PEBP4: variants seen among roughly 807,000 people sequenced by gnomAD.
PEBP4 encodes the protein phosphatidylethanolamine binding protein 4.
Under a neutral mutation model 23.9 loss-of-function variants are expected in PEBP4, and 22 were observed. The observed-to-expected ratio is 0.92, with a 90% CI of 0.66 to 1.31. PEBP4 has a LOEUF of 1.31. Among genes scored for constraint, PEBP4 ranks in the 40% most tolerant of loss-of-function variants. The pLI is 0.00. For synonymous variants in PEBP4, 112 were observed against 99.3 expected (o/e 1.13, Z -0.76); for missense variants, 324 against 281.7 (o/e 1.15, Z -1.07).
intron 3 of PEBP4, among the ~76,000 whole-genome samples, chr8:22,824,711 A>G (rs1806930419): frequency 6.6e-6 from 1 of 152,168 alleles, no homozygotes; most frequent in Non-Finnish European, 1.5e-5. Context: ...AGATTCTCAT[A>G]AGGAGCGTTG....
intron 3 of PEBP4, among the ~76,000 whole-genome samples, chr8:22,895,174 C>G (rs1808566663): frequency 2.6e-5 from 4 of 152,142 alleles, no homozygotes; most frequent in Admixed American, 2.6e-4. Context: ...GATTCTGGAT[C>G]CAAAGTACTG....
chr8:22,800,165 T>G (rs1806353727), intron 4 of PEBP4, among the ~76,000 whole-genome samples: 1 of 152,144 alleles, frequency 6.6e-6, no homozygotes. Flanking sequence ...ACTTTCGCTT[T>G]CTTCTTTATT....
intron 4 of PEBP4, among the ~76,000 whole-genome samples, chr8:22,750,654 A>G (rs1805235965): frequency 6.6e-6 from 1 of 151,826 alleles, no homozygotes; most frequent in Non-Finnish European, 1.5e-5. Flanking sequence ...GACTATTCTC[A>G]TCCTTGTGAT....
At chr8:22,831,757 A>T (rs1807087413) in intron 3 of PEBP4, among the ~76,000 whole-genome samples, 1 of 152,170 alleles carries the variant, frequency 6.6e-6, no homozygotes, top group Non-Finnish European at 1.5e-5. Context: ...GGTCCTGAGG[A>T]GTGGAGTGTG....
intron 3 of PEBP4, among the ~76,000 whole-genome samples, chr8:22,843,316 G>T (rs1807365309): frequency 6.6e-6 from 1 of 152,204 alleles, no homozygotes; most frequent in Non-Finnish European, 1.5e-5. Flanking sequence ...TGCTGGTCTG[G>T]TTAGCAACTA....
chr8:22,817,521 T>G (rs1806768432), intron 4 of PEBP4, 116 bp downstream of exon 4: 1 of 932,814 alleles, frequency 1.1e-6, no homozygotes, highest in African/African-American at 1.6e-5. Context: ...CTGGGGGAGA[T>G]GGGACACAGA....
intron 6 of PEBP4, among the ~76,000 whole-genome samples, chr8:22,716,865 C>A (rs1339921387): frequency 1.3e-5 from 2 of 152,244 alleles, no homozygotes; most frequent in Non-Finnish European, 2.9e-5. Flanking sequence ...CACCCTGGTC[C>A]TCTGCCAGGC....
intron 5 of PEBP4, among the ~76,000 whole-genome samples, chr8:22,725,361 C>T (rs570922066): frequency 1.3e-5 from 2 of 150,826 alleles, no homozygotes; most frequent in South Asian, 2.1e-4. Flanking sequence ...TTTATTTTTT[C>T]GGCATTTGCT....
At chr8:22,891,510 C>T (rs1317903652) in intron 3 of PEBP4, among the ~76,000 whole-genome samples, 1 of 152,178 alleles carries the variant, frequency 6.6e-6, no homozygotes, top group Non-Finnish European at 1.5e-5. Flanking sequence ...AAGGAGGAGT[C>T]TGGGTGTGGG....
intron 6 of PEBP4, among the ~76,000 whole-genome samples, chr8:22,722,211 C>T (rs963638497): frequency 5.9e-5 from 9 of 152,208 alleles, no homozygotes; most frequent in South Asian, 2.1e-4. Flanking sequence ...GTTTCTCCAA[C>T]CCAGAGCTCC....
At chr8:22,893,845 G>A (rs1808543316) in intron 3 of PEBP4, among the ~76,000 whole-genome samples, 1 of 152,034 alleles carries the variant, frequency 6.6e-6, no homozygotes, top group African/African-American at 2.4e-5. Flanking sequence ...CATGCAATAG[G>A]AGTCCCTAAA....
At chr8:22,765,557 A>T (rs1805593843) in intron 4 of PEBP4, among the ~76,000 whole-genome samples, 2 of 152,178 alleles carry the variant, frequency 1.3e-5, no homozygotes, top group South Asian at 4.1e-4. Flanking sequence ...CTGTTCTCTC[A>T]TCCTTCCCAT....
chr8:22,725,081 C>T, intron 5 of PEBP4, 125 bp from the exon 6 acceptor site: 1 of 653,198 alleles, frequency 1.5e-6, no homozygotes, highest in Admixed American at 2.8e-5. Flanking sequence ...CCCTGCAAAA[C>T]ATTAGGATTT....
intron 4 of PEBP4, among the ~76,000 whole-genome samples, chr8:22,770,914 T>C (rs1327448082): frequency 6.6e-6 from 1 of 152,244 alleles, no homozygotes; most frequent in Non-Finnish European, 1.5e-5. Flanking sequence ...GCAAGTCACC[T>C]AAATTTTCCA....
At chr8:22,900,894 A>G (rs1808697688) in intron 3 of PEBP4, among the ~76,000 whole-genome samples, 1 of 152,186 alleles carries the variant, frequency 6.6e-6, no homozygotes, top group Non-Finnish European at 1.5e-5. Flanking sequence ...TAGTTTAGAC[A>G]TAATTCTGAC....
chr8:22,839,136 G>A (rs948712609), intron 3 of PEBP4, among the ~76,000 whole-genome samples: 11 of 152,310 alleles, frequency 7.2e-5, no homozygotes, highest in Admixed American at 5.9e-4. Context: ...TTCAGATTCC[G>A]GCCTGCAAAG....
intron 3 of PEBP4, among the ~76,000 whole-genome samples, chr8:22,852,618 T>C (rs1165743425): frequency 1.3e-5 from 2 of 150,866 alleles, no homozygotes; most frequent in African/African-American, 5.0e-5. Flanking sequence ...CGGAGTCTTT[T>C]GTGAGTGTGA....
chr8:22,749,155 A>G (rs925549003), intron 4 of PEBP4, among the ~76,000 whole-genome samples: 9 of 152,102 alleles, frequency 5.9e-5, no homozygotes, highest in African/African-American at 2.2e-4. Context: ...GAGAGTGGGG[A>G]TGGCTGGAAA....
chr8:22,744,618 C>T (rs1805073164), intron 4 of PEBP4: 1 of 152,278 alleles, frequency 6.6e-6, no homozygotes, highest in South Asian at 2.1e-4. Flanking sequence ...CAATGCAGAA[C>T]AGACGATGCA....
Sources: gnomAD v4.1 joint callset for allele counts (sites outside exome capture counted in the v4.1 genomes callset) on GRCh38, gnomAD v4.1.1 for gene constraint, MANE v1.5 for transcripts, NCBI Gene and HGNC (gene_info 2026-07-23, HGNC 2026-07-21) for gene names.